The following NFIB variants were observed in gnomAD, a reference collection of about 807,000 sequenced individuals.
The protein encoded by NFIB is nuclear factor 1 B-type.
Under a neutral mutation model 61.5 loss-of-function variants are expected in NFIB, and 11 were observed. That is an observed-to-expected ratio of 0.18 (90% confidence interval 0.11 to 0.30). The LOEUF (loss-of-function observed/expected upper bound fraction) is 0.30, where lower values mean the gene tolerates loss of function less well. Ranked by LOEUF, NFIB falls within the 10% of genes least tolerant of loss-of-function variation. The pLI, the probability that NFIB is intolerant of heterozygous loss-of-function variation, is 1.00. For missense variants in NFIB, 471 were observed against 608.9 expected (o/e 0.77, Z 2.38); for synonymous variants, 260 against 216.5 (o/e 1.20, Z -1.76).
Position 14,288,684 on chromosome 9 carries a change from G to A in NFIB, c.562+18305C>T, listed in dbSNP as rs183361535. 2.4e-3 allele frequency among the ~76,000 whole-genome samples: 370 copies of A among 152,166 alleles called. 7 individuals are homozygous for A. The highest frequency in any genetic ancestry group is 4.5e-3 in the Non-Finnish European group (303 of 67,992). ...TCTAACTATATATAGTAGTTGGTGA[G>A]AGGGTTAGTTAGTTGTATACTTGTC... On this transcript the variant is annotated intron_variant, in intron 2 of 10. Transcript: ENST00000380953.
intron 1 of NFIB, among the ~76,000 whole-genome samples, chr9:14,394,914 T>C (rs1380079038): frequency 6.6e-6 from 1 of 152,196 alleles, no homozygotes; most frequent in Non-Finnish European, 1.5e-5. Context: ...AAGAATATAA[T>C]TAATTAGTTA....
chr9:14,464,348 A>G, the NFIB span, among the ~76,000 whole-genome samples: 2 of 152,206 alleles, frequency 1.3e-5, no homozygotes, highest in Non-Finnish European at 2.9e-5. Context: ...AACCCAGTGC[A>G]TGACATAGAT....
chr9:14,232,139 G>A (rs1167421039), intron 2 of NFIB, among the ~76,000 whole-genome samples: 3 of 152,184 alleles, frequency 2.0e-5, no homozygotes, highest in Non-Finnish European at 4.4e-5. Context: ...GAGGGAAGGA[G>A]CGACACCATG....
At chr9:14,205,795 T>G (rs1457985527) in intron 2 of NFIB, among the ~76,000 whole-genome samples, 1 of 152,360 alleles carries the variant, frequency 6.6e-6, no homozygotes, top group South Asian at 2.1e-4. Context: ...TTGAATTATA[T>G]GTCCACACAC....
intron 2 of NFIB, among the ~76,000 whole-genome samples, chr9:14,285,971 T>C (rs749196068): frequency 1.3e-5 from 2 of 152,190 alleles, no homozygotes; most frequent in Non-Finnish European, 2.9e-5. Flanking sequence ...AGATTTTAGA[T>C]AGTACTCCTG....
chr9:14,134,983 C>T lies in NFIB; in HGVS notation c.926-9217G>A, dbSNP rs10961387. Among the ~76,000 whole-genome samples, 1,600 of 149,548 alleles carry T rather than the reference C, an allele frequency of 0.011. 124 individuals carry two copies. The East Asian group carries it at 0.2, about 19-fold the overall frequency. On this transcript the variant is annotated intron_variant, in intron 6 of 10. Coordinates refer to ENST00000380953, the MANE Select transcript of NFIB (RefSeq NM_001190737.2). The stretch of plus-strand genomic sequence containing the variant: ...AAAGACAAAAAAACTTACAAAATAG[C>T]ATATATCATATAAGCTCAATTTACT...
At chr9:14,441,914 T>C in the NFIB span, among the ~76,000 whole-genome samples, 1 of 152,256 alleles carries the variant, frequency 6.6e-6, no homozygotes, top group Non-Finnish European at 1.5e-5. Flanking sequence ...CAAGGGCTTC[T>C]CTGCTCCCTT....
chr9:14,421,479 G>C, the NFIB span, among the ~76,000 whole-genome samples: 8 of 152,166 alleles, frequency 5.3e-5, no homozygotes, highest in African/African-American at 1.9e-4. Context: ...AAACTACCTG[G>C]AATTTGAAGA....
intron 1 of NFIB, among the ~76,000 whole-genome samples, chr9:14,378,054 T>G (rs935574901): frequency 1.3e-5 from 2 of 152,176 alleles, no homozygotes; most frequent in Admixed American, 6.5e-5. Context: ...ACAAAGGTGC[T>G]CCACACCAGC....
the NFIB span, among the ~76,000 whole-genome samples, chr9:14,440,903 G>T: frequency 3.3e-5 from 5 of 152,114 alleles, no homozygotes; most frequent in South Asian, 1.0e-3. Flanking sequence ...AGAAAAATGT[G>T]AAATATGCAG....
In NFIB at chr9:14,150,153, T is replaced by C. The variant is rs748825742; in HGVS notation, c.798A>G (p.Pro266=). The C allele has an allele frequency of 6.2e-7, 1 of 1,613,338 alleles. No homozygotes were observed. The highest frequency in any genetic ancestry group is 1.1e-5 in the South Asian group (1 of 91,066). ...GVNLQRSLSS[P]PSSKRPKTIS... ...AGCCCTTCTTTCAGTACCTGCTTGG[T>C]GGAGAAGACAGAGACCTCTGAAGAT... Residue 266 remains proline (P), a synonymous_variant, in exon 5 of 11, where the codon CCA becomes CCG. Coordinates refer to ENST00000380953, the MANE Select transcript of NFIB (RefSeq NM_001190737.2).
the NFIB span, among the ~76,000 whole-genome samples, chr9:14,422,256 A>T: frequency 6.6e-6 from 1 of 152,128 alleles, no homozygotes; most frequent in Admixed American, 6.6e-5. Flanking sequence ...TTTTCCCCAG[A>T]TGTTAGGCCT....
At chr9:14,332,983 T>C (rs1320454429) in intron 1 of NFIB, among the ~76,000 whole-genome samples, 1 of 152,194 alleles carries the variant, frequency 6.6e-6, no homozygotes, top group East Asian at 1.9e-4. Flanking sequence ...GTGCAAAGCC[T>C]TTCTACAGCC....
chr9:14,274,934 G>T (rs2057893255), intron 2 of NFIB, among the ~76,000 whole-genome samples: 1 of 152,120 alleles, frequency 6.6e-6, no homozygotes, highest in Non-Finnish European at 1.5e-5. Context: ...TAGTAAGGTG[G>T]TCAATTTTTG....
intron 2 of NFIB, among the ~76,000 whole-genome samples, chr9:14,242,084 C>T (rs1444344954): frequency 1.3e-5 from 2 of 152,138 alleles, no homozygotes; most frequent in Admixed American, 6.6e-5. Flanking sequence ...GCGACAGAGT[C>T]CACATGTCTA....
chr9:14,485,079 C>T, the NFIB span, among the ~76,000 whole-genome samples: 3 of 152,086 alleles, frequency 2.0e-5, no homozygotes, highest in Non-Finnish European at 2.9e-5. Context: ...TAGAGTCATG[C>T]CCTTAGGATC....
At chr9:14,448,866 T>C in the NFIB span, among the ~76,000 whole-genome samples, 1 of 152,170 alleles carries the variant, frequency 6.6e-6, no homozygotes. Flanking sequence ...CAGCAATGTC[T>C]GCTACACCTG....
At chr9:14,281,806 C>T (rs1404343367) in intron 2 of NFIB, among the ~76,000 whole-genome samples, 3 of 152,046 alleles carry the variant, frequency 2.0e-5, no homozygotes, top group Non-Finnish European at 4.4e-5. Flanking sequence ...GTTGTGTTCT[C>T]ACACGTTCAC....
intron 9 of NFIB, among the ~76,000 whole-genome samples, chr9:14,114,458 T>G (rs1186161929): frequency 6.6e-6 from 1 of 152,208 alleles, no homozygotes; most frequent in Non-Finnish European, 1.5e-5. Context: ...TGACCAGTTT[T>G]TTATTACTGG....
Sources: allele counts gnomAD v4.1 joint callset (sites outside exome capture counted in the v4.1 genomes callset), GRCh38; gene constraint gnomAD v4.1.1; transcripts MANE v1.5; gene names NCBI Gene and HGNC (gene_info 2026-07-23, HGNC 2026-07-21).